The following KCNQ5 variants were observed in gnomAD, a reference collection of about 807,000 sequenced individuals.
KCNQ5 encodes the protein potassium voltage-gated channel subfamily Q member 5.
A neutral mutation model predicts 98.2 loss-of-function variants in KCNQ5; 30 were observed. The ratio of observed to expected loss-of-function variants is 0.31; its 90% CI spans 0.23 to 0.41. KCNQ5 has a LOEUF of 0.41. KCNQ5 is among the 10% of genes least tolerant of loss of function. KCNQ5 has a pLI of 1.00. For missense variants in KCNQ5, 835 were observed against 1,182.5 expected (o/e 0.71, Z 4.31); for synonymous variants, 458 against 449.4 (o/e 1.02, Z -0.24).
chr6:72,648,774 AT>A (rs779577842), intron 1 of KCNQ5, among the ~76,000 whole-genome samples: 2,404 of 129,828 alleles, frequency 0.019, 27 homozygotes, highest in South Asian at 0.041. Flanking sequence ...ATGGGCCTTC[AT>A]TTTTTTTTTT....
At position 73,036,104 on chromosome 6, in the gene KCNQ5, C is replaced by T. The variant is rs1044160140; in HGVS notation, c.490-5832C>T. ...CAACAATCAAGATATTGGACAGTTC[C>T]GGCCGGGCACGGTGGCTCACTCCTG... On this transcript the variant is annotated intron_variant, in intron 2 of 13. Coordinates refer to ENST00000370398, the MANE Select transcript of KCNQ5 (RefSeq NM_019842.4). Among the ~76,000 whole-genome samples, 5 of 151,102 alleles carry T rather than the reference C, an allele frequency of 3.3e-5. No homozygotes were observed. The Middle Eastern group carries it at 0.01, about 313-fold the overall frequency.
chr6:72,886,126 C>T (rs891025692), intron 1 of KCNQ5, among the ~76,000 whole-genome samples: 1 of 152,190 alleles, frequency 6.6e-6, no homozygotes, highest in Non-Finnish European at 1.5e-5. Context: ...AAACAAATGA[C>T]AGACTCAGAC....
At chr6:72,826,436 G>A (rs938351788) in intron 1 of KCNQ5, among the ~76,000 whole-genome samples, 18 of 149,544 alleles carry the variant, frequency 1.2e-4, no homozygotes, top group Non-Finnish European at 2.5e-4. Context: ...ATGAATAGAA[G>A]AAATATGTAC....
chr6:72,796,910 A>G (rs539320949), intron 1 of KCNQ5, among the ~76,000 whole-genome samples: 197 of 152,338 alleles, frequency 1.3e-3, no homozygotes, highest in Middle Eastern at 0.01. Flanking sequence ...TTCAATGAAT[A>G]TAATGAGATT....
At chr6:72,666,115 C>T (rs1766797611) in intron 1 of KCNQ5, among the ~76,000 whole-genome samples, 1 of 152,092 alleles carries the variant, frequency 6.6e-6, no homozygotes, top group Non-Finnish European at 1.5e-5. Context: ...TGCACTGTAT[C>T]TGTAAGAGTA....
At chr6:72,996,489 T>C (rs1769303885) in intron 1 of KCNQ5, among the ~76,000 whole-genome samples, 1 of 152,246 alleles carries the variant, frequency 6.6e-6, no homozygotes, top group Non-Finnish European at 1.5e-5. Flanking sequence ...TGCTTTTTAC[T>C]CCTAGTTAAA....
chr6:72,955,899 GAC>G (rs1441348333), intron 1 of KCNQ5, among the ~76,000 whole-genome samples: 1 of 152,080 alleles, frequency 6.6e-6, no homozygotes, highest in African/African-American at 2.4e-5. Flanking sequence ...CAGGCTGGGT[GAC>G]ACAGAGTGAG....
At chr6:72,733,059 G>T (rs1250916564) in intron 1 of KCNQ5, among the ~76,000 whole-genome samples, 5 of 152,168 alleles carry the variant, frequency 3.3e-5, no homozygotes, top group African/African-American at 1.2e-4. Flanking sequence ...ATGGGGTTAA[G>T]ATGCTAGTTG....
chr6:72,738,685 T>C (rs1391933882), intron 1 of KCNQ5, among the ~76,000 whole-genome samples: 1 of 152,100 alleles, frequency 6.6e-6, no homozygotes, highest in East Asian at 1.9e-4. Flanking sequence ...GTTAATGAAC[T>C]GTGGCACATT....
At chr6:72,713,732 A>G (rs1400374184) in intron 1 of KCNQ5, among the ~76,000 whole-genome samples, 1 of 152,198 alleles carries the variant, frequency 6.6e-6, no homozygotes, top group East Asian at 1.9e-4. Flanking sequence ...TCTTTGTCTT[A>G]GAGAGGGGCA....
At chr6:72,931,616 A>G (rs985892050) in intron 1 of KCNQ5, among the ~76,000 whole-genome samples, 2 of 152,164 alleles carry the variant, frequency 1.3e-5, no homozygotes, top group Non-Finnish European at 2.9e-5. Context: ...AAAGCCAAGA[A>G]ACCTGATTTA....
rs966100545 is a variant in KCNQ5, at chr6:73,169,733, T to C, written c.1469-13T>C. ...GATGGTGGTGTTATTTAACTGGCAA[T>C]ATTCTCTTGCAGCTGACACAGCCCT... On this transcript the variant is annotated splice_polypyrimidine_tract_variant and intron_variant, in intron 10 of 13. Transcript: ENST00000370398. 4.4e-6 allele frequency: 7 copies of C among 1,576,670 alleles called. No homozygotes were observed. The East Asian group carries it at 1.6e-4, about 35-fold the overall frequency.
intron 1 of KCNQ5, among the ~76,000 whole-genome samples, chr6:72,848,907 C>T (rs1196173846): frequency 6.6e-6 from 1 of 152,156 alleles, no homozygotes; most frequent in Non-Finnish European, 1.5e-5. Context: ...GTCCCCTCAG[C>T]CATGCTAAAC....
chr6:72,951,755 C>T (rs1364054882), intron 1 of KCNQ5, among the ~76,000 whole-genome samples: 1 of 152,138 alleles, frequency 6.6e-6, no homozygotes, highest in Admixed American at 6.6e-5. Flanking sequence ...AGAAGAGATA[C>T]TTTCTTAGGG....
At chr6:73,031,275 C>G (rs989144947) in intron 2 of KCNQ5, among the ~76,000 whole-genome samples, 1 of 152,164 alleles carries the variant, frequency 6.6e-6, no homozygotes, top group African/African-American at 2.4e-5. Context: ...TTACTGTCCT[C>G]CAGCTTACAT....
chr6:72,868,909 T>A (rs926594918), intron 1 of KCNQ5, among the ~76,000 whole-genome samples: 4 of 151,960 alleles, frequency 2.6e-5, no homozygotes, highest in African/African-American at 9.7e-5. Flanking sequence ...ATAGAATGAA[T>A]AAGGTCTAGT....
chr6:72,657,756 G>A (rs1414725794), intron 1 of KCNQ5, among the ~76,000 whole-genome samples: 4 of 152,216 alleles, frequency 2.6e-5, no homozygotes, highest in East Asian at 1.9e-4. Flanking sequence ...TATATTTGTC[G>A]AACTTGTATA....
chr6:72,692,855 A>C (rs1768280096), intron 1 of KCNQ5, among the ~76,000 whole-genome samples: 1 of 152,240 alleles, frequency 6.6e-6, no homozygotes, highest in Non-Finnish European at 1.5e-5. Flanking sequence ...AGACTGGAAA[A>C]GTATGTAAAG....
chr6:72,714,359 G>T (rs749109561), intron 1 of KCNQ5, among the ~76,000 whole-genome samples: 12 of 151,802 alleles, frequency 7.9e-5, no homozygotes, highest in Non-Finnish European at 1.2e-4. Context: ...TAAAGTTCTT[G>T]TCTCTGATCT....
Sources: gnomAD v4.1 joint callset for allele counts (sites outside exome capture counted in the v4.1 genomes callset) on GRCh38, gnomAD v4.1.1 for gene constraint, MANE v1.5 for transcripts, NCBI Gene and HGNC (gene_info 2026-07-23, HGNC 2026-07-21) for gene names.